Variants in TIAM1 observed in about 807,000 individuals in gnomAD.
TIAM1 encodes rho guanine nucleotide exchange factor TIAM1.
In TIAM1, 65 loss-of-function variants were observed where a neutral mutation model predicts 163.5. The ratio of observed to expected loss-of-function variants is 0.40; its 90% confidence interval spans 0.33 to 0.49. The LOEUF is 0.49. Among genes scored for constraint, TIAM1 ranks in the 20% least tolerant of loss-of-function variants. TIAM1 has a pLI of 0.77. For synonymous variants in TIAM1, 833 were observed against 810.1 expected, an observed-to-expected ratio of 1.03 and a Z score of -0.48; for missense variants, 1,789 against 2,044.7, an observed-to-expected ratio of 0.87 and a Z score of 2.41.
chr21:31,527,843 A>G (rs1411901923), intron 1 of TIAM1, among the ~76,000 whole-genome samples: 1 of 152,164 alleles, frequency 6.6e-6, no homozygotes. Flanking sequence ...TGTTGATCAC[A>G]TTGAGTCCCC....
rs1378933139 is a variant in TIAM1 at position 31,182,456 on chromosome 21, C to T, written c.2852G>A (p.Gly951Asp). ...PHRVDGPADL[G>D]ESPLAFLTSN... is the part of the protein sequence containing the mutation. ...GGTGAGAAAGGCGAGGGGGCTCTCG[C>T]CAAGGTCGGCAGGGCCGTCCACTCG... Residue 951 changes from glycine (G) to aspartate (D), a missense_variant, in exon 15 of 28, where the codon GGC (glycine) becomes GAC (aspartate). Transcript: ENST00000541036. 2 of 1,599,494 alleles carry T rather than the reference C, an allele frequency of 1.3e-6. No homozygotes were observed. The highest frequency in any genetic ancestry group is 2.3e-5 in the South Asian group (2 of 88,800).
intron 2 of TIAM1, among the ~76,000 whole-genome samples, chr21:31,438,380 CA>C (rs2044294927): frequency 1.3e-5 from 2 of 151,558 alleles, no homozygotes; most frequent in African/African-American, 2.4e-5. Flanking sequence ...TTAGTAGAGA[CA>C]GGGTTTTGCC....
In TIAM1 at chr21:31,405,418, G is replaced by A. The variant is rs760143276; in HGVS notation, c.-369+58565C>T. ...CCTCAGCCTATCCCCACCCTGGACCGGTTCCTTTGCTTTGCTCTGCCACTA... is the reference window on the plus strand; with the variant it reads ...CCTCAGCCTATCCCCACCCTGGACCAGTTCCTTTGCTTTGCTCTGCCACTA... On this transcript the variant is annotated intron_variant, in intron 2 of 28. Transcript: ENST00000286827. Among the ~76,000 whole-genome samples the A allele has an allele frequency of 1.2e-4, 19 of 152,166 alleles. No individual in the cohort carries two copies. The Middle Eastern group carries it at 0.01, about 82-fold the overall frequency.
At chr21:31,250,465 A>G (rs2071741098) in intron 5 of TIAM1, among the ~76,000 whole-genome samples, 1 of 152,212 alleles carries the variant, frequency 6.6e-6, no homozygotes, top group Non-Finnish European at 1.5e-5. Flanking sequence ...TACTTGTGCA[A>G]GGGTTGACCT....
chr21:31,465,958 G>A lies in TIAM1; in HGVS notation c.-421-1923C>T, dbSNP rs577776327. The stretch of plus-strand genomic sequence containing the variant: ...CCTGACCTTGTGATCCGCCCGCCTC[G>A]GCCTCCCAAAGTGCTGGGATTACAG... On this transcript the variant is annotated intron_variant, in intron 1 of 28. Coordinates refer to the TIAM1 transcript ENST00000286827. Among the ~76,000 whole-genome samples, 7 of 152,224 alleles carry A rather than the reference G, an allele frequency of 4.6e-5. No homozygotes were observed. In the South Asian group the frequency reaches 6.2e-4, roughly 14 times the overall value.
intron 2 of TIAM1, among the ~76,000 whole-genome samples, chr21:31,301,385 G>A (rs1293588423): frequency 1.3e-5 from 2 of 152,190 alleles, no homozygotes; most frequent in African/African-American, 4.8e-5. Context: ...ATGGAACACA[G>A]ATGAGGGTAT....
chr21:31,148,950 GTTTTT>G (rs1568921152), intron 19 of TIAM1, among the ~76,000 whole-genome samples: 3 of 81,690 alleles, frequency 3.7e-5, no homozygotes, highest in African/African-American at 1.2e-4. Context: ...ATTTTAACAA[GTTTTT>G]CTTTTTCTTT....
chr21:31,409,646 G>A (rs998612964), intron 2 of TIAM1, among the ~76,000 whole-genome samples: 5 of 152,088 alleles, frequency 3.3e-5, no homozygotes, highest in Admixed American at 1.3e-4. Context: ...CCACAGGCCC[G>A]CTTCCCTTGC....
intron 1 of TIAM1, among the ~76,000 whole-genome samples, chr21:31,545,392 T>C (rs908963386): frequency 1.3e-5 from 2 of 152,202 alleles, no homozygotes; most frequent in Non-Finnish European, 2.9e-5. Context: ...AATAAACTTC[T>C]GTTGTCTTAA....
At chr21:31,138,347 T>C (rs1449405133) in intron 22 of TIAM1, among the ~76,000 whole-genome samples, 1 of 152,196 alleles carries the variant, frequency 6.6e-6, no homozygotes, top group Non-Finnish European at 1.5e-5. Context: ...AGAGATATCT[T>C]AAGGAATGTT....
chr21:31,254,825 C>T (rs1043196049), intron 4 of TIAM1, among the ~76,000 whole-genome samples: 3 of 152,160 alleles, frequency 2.0e-5, no homozygotes, highest in African/African-American at 7.2e-5. Context: ...AAGCTAAAAC[C>T]TGCAAGTGCA....
At chr21:31,334,825 C>T (rs1391315938) in intron 2 of TIAM1, among the ~76,000 whole-genome samples, 1 of 152,204 alleles carries the variant, frequency 6.6e-6, no homozygotes, top group East Asian at 1.9e-4. Flanking sequence ...CCAGCCTGCA[C>T]ATGTACCAGG....
At chr21:31,241,867 A>G (rs1031916217) in intron 6 of TIAM1, among the ~76,000 whole-genome samples, 24 of 152,074 alleles carry the variant, frequency 1.6e-4, no homozygotes, top group Non-Finnish European at 2.9e-5. Flanking sequence ...AAAATCAGCC[A>G]GGTGTGGTGG....
intron 2 of TIAM1, among the ~76,000 whole-genome samples, chr21:31,380,418 C>T (rs963419053): frequency 6.6e-6 from 1 of 152,228 alleles, no homozygotes; most frequent in Non-Finnish European, 1.5e-5. Context: ...TGGCACATGC[C>T]GGTAATCTCA....
chr21:31,147,673 G>GAT lies in TIAM1; in HGVS notation c.3367-672_3367-671dup, dbSNP rs906092810. 5.1e-5 allele frequency among the ~76,000 whole-genome samples: 7 copies of GAT among 137,744 alleles called. No individual in the cohort carries two copies. In the East Asian group the frequency reaches 1.0e-3, roughly 20 times the overall value. The allele number at this position is 137,744 out of a possible 152,430, so 90.4% of individuals were successfully genotyped here. A position where few individuals can be genotyped will look rare whatever the true frequency, so the allele number is the denominator to read the frequency against. On this transcript the variant is annotated intron_variant, in intron 19 of 27. Coordinates refer to ENST00000541036, the MANE Select transcript of TIAM1 (RefSeq NM_001353694.2). ...GTTATATGTAAATATATAATATATA[G>GAT]ATATATATAAATATATATTCTATAA...
chr21:31,235,604 G>A (rs779121733), intron 6 of TIAM1, among the ~76,000 whole-genome samples: 3 of 152,172 alleles, frequency 2.0e-5, no homozygotes, highest in Non-Finnish European at 4.4e-5. Context: ...TTGCTTCTAG[G>A]GAATAAGCCT....
intron 20 of TIAM1, 84 bp downstream of exon 20, chr21:31,146,810 AT>A: frequency 9.5e-7 from 1 of 1,057,740 alleles, no homozygotes; most frequent in Middle Eastern, 2.5e-4. Context: ...TGACTCTTAG[AT>A]TTCTGCCCAA....
At chr21:31,468,085 T>TAAAA (rs11443773) in intron 1 of TIAM1, among the ~76,000 whole-genome samples, 45 of 139,664 alleles carry the variant, frequency 3.2e-4, no homozygotes, top group African/African-American at 4.5e-4. Flanking sequence ...GCGAAACTCT[T>TAAAA]AAAAAAAAAA....
At chr21:31,480,734 C>T (rs921186947) in intron 1 of TIAM1, among the ~76,000 whole-genome samples, 5 of 152,136 alleles carry the variant, frequency 3.3e-5, no homozygotes, top group Non-Finnish European at 5.9e-5. Flanking sequence ...AACATTCATT[C>T]ATTCATTCAT....
Sources: gnomAD v4.1 joint callset for allele counts (sites outside exome capture counted in the v4.1 genomes callset) on GRCh38, gnomAD v4.1.1 for gene constraint, MANE v1.5 for transcripts, NCBI Gene and HGNC (gene_info 2026-07-23, HGNC 2026-07-21) for gene names.